CALN1: variants seen among roughly 807,000 people sequenced by gnomAD.
CALN1 encodes the protein calneuron 1.
Under a neutral mutation model 30.6 loss-of-function variants are expected in CALN1, and 17 were observed. That is an observed-to-expected ratio of 0.56 (90% CI 0.38 to 0.83). CALN1 has a LOEUF of 0.83. Ranked by LOEUF, CALN1 falls within the 40% of genes least tolerant of loss-of-function variation. The pLI, the probability that CALN1 is intolerant of heterozygous loss-of-function variation, is 0.00. For synonymous variants in CALN1, 156 were observed against 131.4 expected (o/e 1.19, Z -1.28); for missense variants, 291 against 354.9 (o/e 0.82, Z 1.45).
At chr7:72,116,977 A>G (rs1372167857) in intron 3 of CALN1, among the ~76,000 whole-genome samples, 1 of 152,168 alleles carries the variant, frequency 6.6e-6, no homozygotes, top group Admixed American at 6.5e-5. Flanking sequence ...ATTCAGCCAG[A>G]TATCTTCAAG....
chr7:71,823,298 T>C lies in CALN1; in HGVS notation c.502-12806A>G, dbSNP rs116972217. 7.2e-5 allele frequency among the ~76,000 whole-genome samples: 11 copies of C among 152,266 alleles called. No individual in the cohort carries two copies. The East Asian group carries it at 2.1e-3, about 29-fold the overall frequency. On this transcript the variant is annotated intron_variant, in intron 5 of 6. Coordinates refer to ENST00000395275, the MANE Select transcript of CALN1 (RefSeq NM_031468.4). ...CCTGGGCTAAAGTGATCCTCCTGTG[T>C]AGCTGGGATTACAGGTGCATGTTAA...
At chr7:71,852,118 C>A (rs1426413327) in intron 5 of CALN1, among the ~76,000 whole-genome samples, 1 of 152,120 alleles carries the variant, frequency 6.6e-6, no homozygotes, top group Admixed American at 6.5e-5. Context: ...TAGTTCATTC[C>A]ATTTTGTCAT....
chr7:72,073,860 A>G (rs545496681), intron 4 of CALN1, among the ~76,000 whole-genome samples: 9 of 152,156 alleles, frequency 5.9e-5, no homozygotes, highest in African/African-American at 2.2e-4. Context: ...TGACTGGCTA[A>G]TTTTTTAATT....
intron 3 of CALN1, among the ~76,000 whole-genome samples, chr7:72,132,069 C>A (rs931155848): frequency 2.0e-5 from 3 of 152,024 alleles, no homozygotes; most frequent in Non-Finnish European, 4.4e-5. Flanking sequence ...TTGATATATA[C>A]AAATAACTCA....
At chr7:72,276,869 T>G (rs1797368071) in intron 3 of CALN1, among the ~76,000 whole-genome samples, 1 of 152,194 alleles carries the variant, frequency 6.6e-6, no homozygotes, top group Admixed American at 6.5e-5. Context: ...CAAAGCAGAC[T>G]AAGACAGTGC....
intron 6 of CALN1, among the ~76,000 whole-genome samples, chr7:71,806,273 C>CAAACACACACACGCACACACACAA (rs1554341707): frequency 2.7e-5 from 4 of 149,894 alleles, no homozygotes; most frequent in Admixed American, 2.6e-4. Context: ...CACACACAAA[C>CAAACACACACACGCACACACACAA]ACACACACAC....
the CALN1 span, among the ~76,000 whole-genome samples, chr7:72,487,646 A>G: frequency 2.0e-5 from 3 of 149,514 alleles, no homozygotes; most frequent in East Asian, 5.9e-4. Flanking sequence ...AGATTGCCCC[A>G]GTGCACTCCA....
intron 3 of CALN1, among the ~76,000 whole-genome samples, chr7:72,266,905 G>GT (rs1225646641): frequency 1.3e-5 from 2 of 152,152 alleles, no homozygotes; most frequent in Non-Finnish European, 2.9e-5. Context: ...CAAAGGGCAG[G>GT]TCAAGCCTCC....
intron 3 of CALN1, among the ~76,000 whole-genome samples, chr7:72,234,214 A>G (rs1392393284): frequency 1.3e-5 from 2 of 152,154 alleles, no homozygotes; most frequent in African/African-American, 4.8e-5. Flanking sequence ...AGAACCCTAC[A>G]GAGCACAGAG....
chr7:71,858,525 C>G (rs1791084080), intron 5 of CALN1, among the ~76,000 whole-genome samples: 1 of 151,850 alleles, frequency 6.6e-6, no homozygotes, highest in South Asian at 2.1e-4. Flanking sequence ...AGCTACAGAC[C>G]TCCCTCACAA....
At chr7:72,184,055 T>C (rs192155672) in intron 3 of CALN1, among the ~76,000 whole-genome samples, 18 of 152,242 alleles carry the variant, frequency 1.2e-4, no homozygotes, top group African/African-American at 3.9e-4. Context: ...CCAAGAACCT[T>C]TGCTAAAGTT....
At chr7:71,881,684 C>T (rs1401654954) in intron 5 of CALN1, among the ~76,000 whole-genome samples, 3 of 152,130 alleles carry the variant, frequency 2.0e-5, no homozygotes, top group Non-Finnish European at 4.4e-5. Context: ...ATCCCGGGCT[C>T]TCCATGATTT....
At chr7:72,465,439 G>A in the CALN1 span, among the ~76,000 whole-genome samples, 73 of 152,230 alleles carry the variant, frequency 4.8e-4, no homozygotes, top group African/African-American at 1.6e-3. Flanking sequence ...CAATATCCTG[G>A]ATACCCTCAA....
chr7:71,978,224 G>C (rs900833476), intron 5 of CALN1, among the ~76,000 whole-genome samples: 1 of 143,422 alleles, frequency 7.0e-6, no homozygotes, highest in Non-Finnish European at 1.5e-5. Flanking sequence ...GCTGAATCTT[G>C]AGTCAGTATT....
chr7:71,995,882 C>T (rs1237723096), intron 5 of CALN1, among the ~76,000 whole-genome samples: 1 of 151,870 alleles, frequency 6.6e-6, no homozygotes, highest in Non-Finnish European at 1.5e-5. Flanking sequence ...ATGCTCTGTT[C>T]CCCACAGCAG....
At chr7:71,859,677 G>T (rs1039605172) in intron 5 of CALN1, among the ~76,000 whole-genome samples, 3 of 152,196 alleles carry the variant, frequency 2.0e-5, no homozygotes, top group African/African-American at 7.2e-5. Flanking sequence ...ATTAGAAGTT[G>T]CCCTTCCTGG....
chr7:71,789,294 G>A (rs1793176613), intron 6 of CALN1, among the ~76,000 whole-genome samples: 1 of 152,198 alleles, frequency 6.6e-6, no homozygotes, highest in South Asian at 2.1e-4. Flanking sequence ...GCACATGCCT[G>A]TAATCTCAGC....
chr7:71,817,764 T>C (rs1197521058), intron 5 of CALN1, among the ~76,000 whole-genome samples: 1 of 152,186 alleles, frequency 6.6e-6, no homozygotes, highest in Non-Finnish European at 1.5e-5. Flanking sequence ...TCCACCTGCC[T>C]TGGCCTCCCA....
chr7:72,391,065 T>A (rs537810523), intron 2 of CALN1, among the ~76,000 whole-genome samples: 1 of 152,292 alleles, frequency 6.6e-6, no homozygotes, highest in Admixed American at 6.5e-5. Context: ...TTCGGTAAAA[T>A]CTGATTTATA....
Sources: gnomAD v4.1 joint callset for allele counts (sites outside exome capture counted in the v4.1 genomes callset) on GRCh38, gnomAD v4.1.1 for gene constraint, MANE v1.5 for transcripts, NCBI Gene and HGNC (gene_info 2026-07-23, HGNC 2026-07-21) for gene names.